Variants in PTPRD observed in about 807,000 individuals in gnomAD.
The protein encoded by PTPRD is protein tyrosine phosphatase receptor type D.
Under a neutral mutation model 214.5 loss-of-function variants are expected in PTPRD, and 34 were observed. The ratio of observed to expected loss-of-function variants is 0.16; its 90% CI spans 0.12 to 0.21. The LOEUF (loss-of-function observed/expected upper bound fraction) is 0.21. Among genes scored for constraint, PTPRD ranks in the 10% least tolerant of loss-of-function variants. The pLI is 1.00. For missense variants in PTPRD, 2,545 were observed against 2,398.7 expected (o/e 1.06, Z -1.27); for synonymous variants, 1,128 against 845.7 (o/e 1.33, Z -5.79).
At chr9:10,361,036 A>C (rs528676051) in intron 2 of PTPRD, among the ~76,000 whole-genome samples, 7 of 152,258 alleles carry the variant, frequency 4.6e-5, no homozygotes, top group African/African-American at 1.7e-4. Flanking sequence ...CGGGAGGCGG[A>C]GCTTGTAGTG....
chr9:9,876,959 TAA>T (rs1416583564), intron 5 of PTPRD, among the ~76,000 whole-genome samples: 4 of 152,286 alleles, frequency 2.6e-5, no homozygotes, highest in Admixed American at 2.6e-4. Context: ...CAAGAAAACA[TAA>T]GTTGCCTGTA....
At chr9:10,336,143 T>A (rs772992140) in intron 3 of PTPRD, among the ~76,000 whole-genome samples, 2 of 151,822 alleles carry the variant, frequency 1.3e-5, no homozygotes, top group Non-Finnish European at 2.9e-5. Context: ...TTCATACAGA[T>A]GTTTCTAGCA....
At chr9:8,623,844 A>G (rs564040674) in intron 14 of PTPRD, among the ~76,000 whole-genome samples, 2 of 151,940 alleles carry the variant, frequency 1.3e-5, no homozygotes, top group East Asian at 3.9e-4. Flanking sequence ...CCATAACTAC[A>G]CCTTCTATCA....
intron 7 of PTPRD, among the ~76,000 whole-genome samples, chr9:9,705,012 T>C (rs1483636549): frequency 6.6e-6 from 1 of 152,198 alleles, no homozygotes; most frequent in Non-Finnish European, 1.5e-5. Flanking sequence ...AACAGATTAA[T>C]GAAGTTACAT....
intron 22 of PTPRD, among the ~76,000 whole-genome samples, chr9:8,506,664 G>T (rs986000813): frequency 3.3e-5 from 5 of 150,110 alleles, no homozygotes; most frequent in Admixed American, 6.6e-5. Context: ...ATGCATTATT[G>T]ATGGTGAAAC....
intron 5 of PTPRD, among the ~76,000 whole-genome samples, chr9:9,820,763 G>A (rs185695676): frequency 2.6e-5 from 4 of 152,060 alleles, no homozygotes; most frequent in African/African-American, 9.6e-5. Flanking sequence ...GCTTATTTTT[G>A]TCAGCTTCAT....
intron 4 of PTPRD, among the ~76,000 whole-genome samples, chr9:9,989,964 G>A (rs184665103): frequency 5.0e-4 from 76 of 152,246 alleles, no homozygotes; most frequent in African/African-American, 1.4e-3. Context: ...CACAAGTCCC[G>A]CAAAGGGGTC....
intron 8 of PTPRD, among the ~76,000 whole-genome samples, chr9:9,478,965 G>T (rs2095259474): frequency 6.6e-6 from 1 of 152,092 alleles, no homozygotes; most frequent in Non-Finnish European, 1.5e-5. Context: ...CCTAAAATAT[G>T]AATAATTACA....
intron 10 of PTPRD, among the ~76,000 whole-genome samples, chr9:9,091,817 C>T (rs2099776494): frequency 6.6e-6 from 1 of 152,194 alleles, no homozygotes; most frequent in Admixed American, 6.5e-5. Context: ...ACTGTTTACT[C>T]TCAGGTTTCA....
At chr9:9,345,680 G>C (rs374083768) in intron 9 of PTPRD, among the ~76,000 whole-genome samples, 64 of 152,114 alleles carry the variant, frequency 4.2e-4, no homozygotes, top group African/African-American at 1.4e-3. Flanking sequence ...ATATTATCTA[G>C]ATGCAAATCC....
chr9:9,346,526 A>G (rs938016988), intron 9 of PTPRD, among the ~76,000 whole-genome samples: 1 of 152,168 alleles, frequency 6.6e-6, no homozygotes, highest in Non-Finnish European at 1.5e-5. Flanking sequence ...ATTTGAAAAG[A>G]TGGAAGATTT....
chr9:8,731,814 A>T (rs2098662353), intron 12 of PTPRD, among the ~76,000 whole-genome samples: 1 of 152,238 alleles, frequency 6.6e-6, no homozygotes. Context: ...GTGCCAAATG[A>T]ATCTGTGAAA....
chr9:9,877,530 G>C lies in PTPRD; in HGVS notation c.-368+60977C>G, dbSNP rs113888574. Among the ~76,000 whole-genome samples the C allele has an allele frequency of 1.3e-3, 204 of 152,282 alleles. 1 individual carries two copies. Among genetic ancestry groups the C allele is most frequent in the African/African-American group, 4.5e-3 (185 of 41,570 alleles). On this transcript the variant is annotated intron_variant, in intron 5 of 45. Transcript: ENST00000381196. ...TTTTCATGACTCCTATGATCAAAGTGAGAGTGAATCTTAGGTGAAAGGAGG... is the reference window on the plus strand; with the variant it reads ...TTTTCATGACTCCTATGATCAAAGTCAGAGTGAATCTTAGGTGAAAGGAGG...
chr9:9,045,304 T>C (rs1372151448), intron 10 of PTPRD, among the ~76,000 whole-genome samples: 1 of 152,180 alleles, frequency 6.6e-6, no homozygotes, highest in Non-Finnish European at 1.5e-5. Context: ...ATGCTCTTCA[T>C]TCTTATGGAT....
chr9:8,655,019 C>A (rs560022051), intron 12 of PTPRD, among the ~76,000 whole-genome samples: 1 of 152,102 alleles, frequency 6.6e-6, no homozygotes, highest in South Asian at 2.1e-4. Context: ...GGAATTCATT[C>A]AAGATTCCTA....
intron 9 of PTPRD, among the ~76,000 whole-genome samples, chr9:9,376,218 C>G (rs1339064594): frequency 2.0e-5 from 3 of 151,996 alleles, no homozygotes; most frequent in Non-Finnish European, 4.4e-5. Context: ...CATTTTTCTA[C>G]TATAATCTAT....
intron 34 of PTPRD, among the ~76,000 whole-genome samples, chr9:8,449,457 TG>T (rs1487599630): frequency 6.6e-6 from 1 of 152,142 alleles, no homozygotes; most frequent in Non-Finnish European, 1.5e-5. Flanking sequence ...CCCATAAAAA[TG>T]GTAGATATTA....
chr9:9,180,952 C>T (rs2099927841), intron 10 of PTPRD, among the ~76,000 whole-genome samples: 1 of 152,064 alleles, frequency 6.6e-6, no homozygotes, highest in Non-Finnish European at 1.5e-5. Context: ...ATAAAAAAGA[C>T]ATTGGAATAT....
chr9:10,206,206 AC>A (rs1676276244), intron 3 of PTPRD, among the ~76,000 whole-genome samples: 1 of 152,118 alleles, frequency 6.6e-6, no homozygotes, highest in Non-Finnish European at 1.5e-5. Context: ...GGAATGAAAT[AC>A]CACAGCATGT....
Sources: allele counts gnomAD v4.1 joint callset (sites outside exome capture counted in the v4.1 genomes callset), GRCh38; gene constraint gnomAD v4.1.1; transcripts MANE v1.5; gene names NCBI Gene and HGNC (gene_info 2026-07-23, HGNC 2026-07-21).